Variants in PRKN observed in about 807,000 individuals in gnomAD.
The protein encoded by PRKN is E3 ubiquitin-protein ligase parkin.
PRKN carries 56 observed loss-of-function variants against 59.5 expected under a neutral mutation model. The ratio of observed to expected loss-of-function variants is 0.94; its 90% confidence interval spans 0.76 to 1.18. PRKN has a LOEUF of 1.18. Among genes scored for constraint, PRKN ranks in the 50% most tolerant of loss-of-function variants. The pLI, the probability that PRKN is intolerant of heterozygous loss-of-function variation, is 0.00. For synonymous variants in PRKN, 250 were observed against 222.1 expected, an observed-to-expected ratio of 1.13 and a Z score of -1.12; for missense variants, 657 against 596.4, an observed-to-expected ratio of 1.10 and a Z score of -1.06.
At chr6:162,525,990 G>GCAAAACCA (rs1035326821) in intron 1 of PRKN, among the ~76,000 whole-genome samples, 2 of 151,992 alleles carry the variant, frequency 1.3e-5, no homozygotes, top group Non-Finnish European at 2.9e-5. Context: ...GACTACAGGT[G>GCAAAACCA]CAAAACCACA....
chr6:162,378,292 G>T (rs2128139529), intron 2 of PRKN, among the ~76,000 whole-genome samples: 1 of 152,276 alleles, frequency 6.6e-6, no homozygotes, highest in Middle Eastern at 3.4e-3. Flanking sequence ...ACTTTTTTCT[G>T]TCTCTCGTTC....
chr6:162,602,355 T>A (rs1295006845), intron 1 of PRKN, among the ~76,000 whole-genome samples: 3 of 152,080 alleles, frequency 2.0e-5, no homozygotes, highest in Non-Finnish European at 4.4e-5. Context: ...AGGGGAGGCA[T>A]CAAGTCAGTA....
chr6:162,498,111 C>T (rs58005250), intron 1 of PRKN, among the ~76,000 whole-genome samples: 24,318 of 152,030 alleles, frequency 0.16, 2,140 homozygotes, highest in Non-Finnish European at 0.18. Context: ...ACATCCTTTA[C>T]ATTGATGAGA....
chr6:161,589,636 T>C (rs867246439), intron 7 of PRKN, among the ~76,000 whole-genome samples: 12 of 152,000 alleles, frequency 7.9e-5, no homozygotes, highest in Middle Eastern at 3.4e-3. Flanking sequence ...TTCCAAAGGA[T>C]TTTGCTTCTT....
At chr6:162,638,977 C>T (rs1023772503) in intron 1 of PRKN, among the ~76,000 whole-genome samples, 1 of 151,972 alleles carries the variant, frequency 6.6e-6, no homozygotes, top group Non-Finnish European at 1.5e-5. Context: ...AACTCCTGAC[C>T]TCAGGCGATC....
At chr6:161,438,219 T>TAA (rs1562449448) in intron 9 of PRKN, among the ~76,000 whole-genome samples, 59 of 143,088 alleles carry the variant, frequency 4.1e-4, no homozygotes, top group Non-Finnish European at 4.6e-4. Flanking sequence ...CTGTTAATTT[T>TAA]TTTTTTTTTT....
intron 1 of PRKN, among the ~76,000 whole-genome samples, chr6:162,561,269 C>G (rs897568530): frequency 6.6e-6 from 1 of 152,126 alleles, no homozygotes; most frequent in African/African-American, 2.4e-5. Flanking sequence ...ATGCCATGGT[C>G]ACATTTTTCA....
chr6:162,346,395 T>C (rs1784404207), intron 2 of PRKN, among the ~76,000 whole-genome samples: 1 of 150,444 alleles, frequency 6.6e-6, no homozygotes, highest in Non-Finnish European at 1.5e-5. Flanking sequence ...GTGGATGAAT[T>C]GCTTGTGCCC....
chr6:161,715,735 C>T (rs115271146), intron 7 of PRKN, among the ~76,000 whole-genome samples: 2,472 of 152,232 alleles, frequency 0.016, 77 homozygotes, highest in African/African-American at 0.057. Context: ...GTTACATAGC[C>T]AGCTGTGGCT....
At chr6:161,984,687 CG>C (rs1298097532) in intron 5 of PRKN, among the ~76,000 whole-genome samples, 1 of 151,968 alleles carries the variant, frequency 6.6e-6, no homozygotes, top group Non-Finnish European at 1.5e-5. Context: ...TGACCTTAGG[CG>C]TTGTCCCCTA....
intron 5 of PRKN, among the ~76,000 whole-genome samples, chr6:161,986,551 TGA>T (rs1039398729): frequency 6.6e-6 from 1 of 150,998 alleles, no homozygotes; most frequent in African/African-American, 2.4e-5. Flanking sequence ...TTGGGACAAC[TGA>T]GAGAGGGGAA....
intron 4 of PRKN, among the ~76,000 whole-genome samples, chr6:162,119,642 G>T (rs1007501415): frequency 3.3e-5 from 5 of 152,046 alleles, no homozygotes; most frequent in Non-Finnish European, 5.9e-5. Context: ...CCCTCCTCTG[G>T]CTTCTTTTGC....
chr6:161,683,108 G>A (rs1785431459), intron 7 of PRKN, among the ~76,000 whole-genome samples: 1 of 152,182 alleles, frequency 6.6e-6, no homozygotes, highest in Non-Finnish European at 1.5e-5. Flanking sequence ...ATCTGGCAAG[G>A]GCCCAAGCTG....
chr6:161,607,902 C>T (rs1782342539), intron 7 of PRKN, among the ~76,000 whole-genome samples: 1 of 152,178 alleles, frequency 6.6e-6, no homozygotes, highest in Non-Finnish European at 1.5e-5. Flanking sequence ...AGAACAGGAA[C>T]AAGAATCAGA....
At chr6:162,052,349 GT>G (rs1276271855) in intron 5 of PRKN, among the ~76,000 whole-genome samples, 3 of 151,196 alleles carry the variant, frequency 2.0e-5, no homozygotes, top group East Asian at 3.9e-4. Flanking sequence ...GTTTTGTTTT[GT>G]TTTTTTAATC....
At chr6:161,774,837 T>C (rs1037449300) in intron 7 of PRKN, among the ~76,000 whole-genome samples, 2 of 152,176 alleles carry the variant, frequency 1.3e-5, no homozygotes, top group Non-Finnish European at 2.9e-5. Flanking sequence ...CTGTCAAAAT[T>C]GCTAAATCAT....
chr6:161,820,217 G>A (rs1349514642), intron 6 of PRKN, among the ~76,000 whole-genome samples: 1 of 151,764 alleles, frequency 6.6e-6, no homozygotes, highest in Non-Finnish European at 1.5e-5. Flanking sequence ...AAATTCAATG[G>A]TAGTTAGCTC....
intron 4 of PRKN, among the ~76,000 whole-genome samples, chr6:162,118,384 C>T (rs1281562725): frequency 6.6e-6 from 1 of 151,536 alleles, no homozygotes; most frequent in Non-Finnish European, 1.5e-5. Context: ...CCAGCCTGGG[C>T]TACAGAGCGA....
At chr6:162,403,759 G>A (rs1304875085) in intron 2 of PRKN, among the ~76,000 whole-genome samples, 1 of 152,168 alleles carries the variant, frequency 6.6e-6, no homozygotes. Context: ...ATTGGAGTGG[G>A]GAGTGACACA....
Sources: allele counts gnomAD v4.1 joint callset (sites outside exome capture counted in the v4.1 genomes callset), GRCh38; gene constraint gnomAD v4.1.1; transcripts MANE v1.5; gene names NCBI Gene and HGNC (gene_info 2026-07-23, HGNC 2026-07-21).